Variants in LSAMP observed in about 807,000 individuals in gnomAD.
LSAMP encodes limbic system associated membrane protein.
In LSAMP, 7 loss-of-function variants were observed where a neutral mutation model predicts 38.6. That is an observed-to-expected ratio of 0.18 (90% CI 0.10 to 0.34). The LOEUF is 0.34. LSAMP is among the 10% of genes least tolerant of loss of function. LSAMP has a pLI of 1.00. For synonymous variants in LSAMP, 154 were observed against 166.8 expected, an observed-to-expected ratio of 0.92 and a Z score of 0.59; for missense variants, 313 against 420.0, an observed-to-expected ratio of 0.75 and a Z score of 2.23.
chr3:115,976,422 C>T (rs952070789), intron 3 of LSAMP, among the ~76,000 whole-genome samples: 1 of 152,102 alleles, frequency 6.6e-6, no homozygotes, highest in African/African-American at 2.4e-5. Flanking sequence ...TGACAATAAA[C>T]TCAATCTGAA....
At chr3:116,327,695 C>T (rs1271453122) in intron 1 of LSAMP, among the ~76,000 whole-genome samples, 2 of 152,052 alleles carry the variant, frequency 1.3e-5, no homozygotes, top group East Asian at 1.9e-4. Flanking sequence ...AGTTGAGTAT[C>T]GGGTAGAATG....
chr3:115,823,475 T>C (rs1934312783), intron 6 of LSAMP, among the ~76,000 whole-genome samples: 1 of 152,224 alleles, frequency 6.6e-6, no homozygotes, highest in Non-Finnish European at 1.5e-5. Context: ...AGACAAAACA[T>C]TTGTTTATAT....
chr3:116,144,117 G>A (rs1343683093), intron 1 of LSAMP, among the ~76,000 whole-genome samples: 1 of 151,922 alleles, frequency 6.6e-6, no homozygotes, highest in Non-Finnish European at 1.5e-5. Flanking sequence ...TTACTTTTGA[G>A]ACATTTTATG....
intron 1 of LSAMP, among the ~76,000 whole-genome samples, chr3:116,295,929 ACTTG>A (rs1348476309): frequency 3.3e-5 from 5 of 152,294 alleles, no homozygotes; most frequent in South Asian, 2.1e-4. Flanking sequence ...AAATTTATGT[ACTTG>A]CTTGTATAAA....
At chr3:116,062,871 T>C (rs1051862970) in intron 2 of LSAMP, among the ~76,000 whole-genome samples, 1 of 152,310 alleles carries the variant, frequency 6.6e-6, no homozygotes, top group Non-Finnish European at 1.5e-5. Context: ...AAACAAACTT[T>C]CATAAAACTG....
At chr3:116,272,185 A>C (rs1173300548) in intron 1 of LSAMP, among the ~76,000 whole-genome samples, 1 of 152,058 alleles carries the variant, frequency 6.6e-6, no homozygotes, top group Non-Finnish European at 1.5e-5. Flanking sequence ...CACAGAAACT[A>C]TGTATGTGCG....
intron 1 of LSAMP, among the ~76,000 whole-genome samples, chr3:116,382,434 C>A (rs1184052203): frequency 6.8e-6 from 1 of 147,702 alleles, no homozygotes; most frequent in African/African-American, 2.5e-5. Flanking sequence ...TATTCTCACT[C>A]ATAGGTGGGA....
chr3:116,226,076 T>C (rs1576445494), intron 1 of LSAMP, among the ~76,000 whole-genome samples: 1 of 152,322 alleles, frequency 6.6e-6, no homozygotes, highest in Middle Eastern at 3.4e-3. Flanking sequence ...GTGATGTAAC[T>C]AATGAACAAT....
intron 1 of LSAMP, among the ~76,000 whole-genome samples, chr3:116,255,681 C>T (rs2046740808): frequency 1.3e-5 from 2 of 152,272 alleles, no homozygotes; most frequent in East Asian, 1.9e-4. Context: ...CCCTGAAGGC[C>T]AGGCACTGGG....
At chr3:116,386,613 C>T (rs2048629661) in intron 1 of LSAMP, among the ~76,000 whole-genome samples, 2 of 152,142 alleles carry the variant, frequency 1.3e-5, no homozygotes, top group African/African-American at 4.8e-5. Flanking sequence ...GGTAGGAATG[C>T]AGACGCACAT....
chr3:115,981,884 C>A (rs112434850), intron 3 of LSAMP, among the ~76,000 whole-genome samples: 87 of 152,256 alleles, frequency 5.7e-4, no homozygotes, highest in African/African-American at 2.0e-3. Flanking sequence ...ACAAGAAAAC[C>A]TTTACATAGT....
chr3:116,106,795 G>A (rs981468935), intron 1 of LSAMP, among the ~76,000 whole-genome samples: 3 of 152,146 alleles, frequency 2.0e-5, no homozygotes, highest in African/African-American at 7.2e-5. Context: ...AGGTATTTTA[G>A]TTTTTGTTAC....
At position 115,810,371 on chromosome 3, in the gene LSAMP, G is replaced by A. The variant is rs138160057; in HGVS notation, c.963C>T (p.Ala321=). ...VRGINGSISL[A]VPLWLLAASL... is the part of the protein sequence containing the mutation. ...ATGCTGCCAGCAGCCACAGTGGTAC[G>A]GCCAGACTGATGGATCCATTTATTC... Residue 321 remains alanine, a synonymous_variant, in exon 7 of 7, where the codon GCC becomes GCT. Transcript: ENST00000490035. The A allele has an allele frequency of 1.1e-5, 18 of 1,613,544 alleles. No homozygotes were observed. The highest frequency in any genetic ancestry group is 8.9e-5 in the East Asian group (4 of 44,886).
intron 1 of LSAMP, among the ~76,000 whole-genome samples, chr3:116,356,946 A>C: frequency 6.6e-6 from 1 of 152,104 alleles, no homozygotes; most frequent in East Asian, 1.9e-4. Flanking sequence ...GGCGCCCGCC[A>C]CCACGCCTGG....
At chr3:115,814,487 T>C (rs371531577) in intron 6 of LSAMP, among the ~76,000 whole-genome samples, 1 of 152,228 alleles carries the variant, frequency 6.6e-6, no homozygotes, top group East Asian at 1.9e-4. Flanking sequence ...AAATCTCAAG[T>C]AAAGGACCAG....
chr3:116,214,011 T>C (rs1459492996), intron 1 of LSAMP, among the ~76,000 whole-genome samples: 1 of 152,204 alleles, frequency 6.6e-6, no homozygotes. Context: ...TGAAGGATAA[T>C]GTATTGTACA....
At chr3:116,241,882 T>C (rs77444736) in intron 1 of LSAMP, among the ~76,000 whole-genome samples, 3,236 of 152,326 alleles carry the variant, frequency 0.021, 121 homozygotes, top group African/African-American at 0.073. Flanking sequence ...GCCATTGGAA[T>C]TGGGGGTGTA....
intron 5 of LSAMP, 22 bp downstream of exon 5, chr3:115,842,436 G>A (rs1250136952): frequency 2.5e-6 from 4 of 1,611,986 alleles, no homozygotes; most frequent in Non-Finnish European, 1.7e-6. Context: ...GAGTCATGGG[G>A]GATGGTAGGT....
rs1933610760 is a variant in LSAMP at position 115,805,505 on chromosome 3, C to T, written c.*4812G>A. The T allele has an allele frequency of 6.6e-6, 1 of 152,084 alleles. No individual in the cohort carries two copies. The highest frequency in any genetic ancestry group is 6.6e-5 in the Admixed American group (1 of 15,266). 9.4% of individuals were successfully genotyped at this position (152,084 alleles called of 1,614,324 possible). A position where few individuals can be genotyped will look rare whatever the true frequency, so the allele number is the denominator to read the frequency against. ...AACTAGTGATTTACATTGATTTACACATGATTGGTGCCTAATTTATTAATC... is the reference window on the plus strand; with the variant it reads ...AACTAGTGATTTACATTGATTTACATATGATTGGTGCCTAATTTATTAATC... On this transcript the variant is annotated 3_prime_UTR_variant, in exon 7 of 7. Coordinates refer to ENST00000490035, the MANE Select transcript of LSAMP (RefSeq NM_002338.5).
Sources: allele counts gnomAD v4.1 joint callset (sites outside exome capture counted in the v4.1 genomes callset), GRCh38; gene constraint gnomAD v4.1.1; transcripts MANE v1.5; gene names NCBI Gene and HGNC (gene_info 2026-07-23, HGNC 2026-07-21).